SH3RF1: variants seen among roughly 807,000 people sequenced by gnomAD.
The protein encoded by SH3RF1 is SH3 domain containing ring finger 1.
A neutral mutation model predicts 74.0 loss-of-function variants in SH3RF1; 32 were observed. The observed-to-expected ratio is 0.43, with a 90% confidence interval of 0.33 to 0.58. The LOEUF is 0.58. Ranked by LOEUF, SH3RF1 falls within the 20% of genes least tolerant of loss-of-function variation. SH3RF1 has a pLI of 0.05. For missense variants in SH3RF1, 954 were observed against 1,130.9 expected, an observed-to-expected ratio of 0.84 and a Z score of 2.24; for synonymous variants, 396 against 439.6, an observed-to-expected ratio of 0.90 and a Z score of 1.24.
chr4:169,133,145 C>T (rs1459312918), intron 5 of SH3RF1, among the ~76,000 whole-genome samples: 2 of 152,118 alleles, frequency 1.3e-5, no homozygotes, highest in Non-Finnish European at 2.9e-5. Flanking sequence ...TAGACATGAG[C>T]TGGAAGGTGC....
chr4:169,123,493 C>T (rs140989132), intron 6 of SH3RF1, among the ~76,000 whole-genome samples: 3 of 152,260 alleles, frequency 2.0e-5, no homozygotes, highest in Non-Finnish European at 4.4e-5. Context: ...AGGTGCAGAG[C>T]CACTTACAAA....
chr4:169,147,006 T>C (rs1283446565), intron 4 of SH3RF1, among the ~76,000 whole-genome samples: 1 of 152,114 alleles, frequency 6.6e-6, no homozygotes. Flanking sequence ...ACCCTGAAAA[T>C]TAAGTATAAA....
At chr4:169,119,108 T>C (rs1733394103) in intron 8 of SH3RF1, among the ~76,000 whole-genome samples, 1 of 149,924 alleles carries the variant, frequency 6.7e-6, no homozygotes, top group Admixed American at 6.7e-5. Flanking sequence ...AACAGATAGA[T>C]TTTTTTTTTC....
intron 4 of SH3RF1, among the ~76,000 whole-genome samples, chr4:169,143,998 A>C (rs1310669606): frequency 6.6e-6 from 1 of 152,226 alleles, no homozygotes; most frequent in East Asian, 1.9e-4. Flanking sequence ...CTTCACACCG[A>C]AAGGTTTAGG....
At chr4:169,270,246 G>A (rs1731425025) in intron 1 of SH3RF1, among the ~76,000 whole-genome samples, 2 of 152,120 alleles carry the variant, frequency 1.3e-5, no homozygotes, top group African/African-American at 2.4e-5. Flanking sequence ...CCGCTCCCAC[G>A]GCGCCAAGCA....
At chr4:169,230,923 T>C (rs1730727927) in intron 2 of SH3RF1, among the ~76,000 whole-genome samples, 1 of 152,076 alleles carries the variant, frequency 6.6e-6, no homozygotes, top group Non-Finnish European at 1.5e-5. Context: ...ACAATTATTT[T>C]TTAAGTTTAT....
intron 2 of SH3RF1, among the ~76,000 whole-genome samples, chr4:169,231,169 T>C (rs942997416): frequency 3.6e-4 from 55 of 152,356 alleles, no homozygotes; most frequent in African/African-American, 1.3e-3. Flanking sequence ...AGAATAGTAC[T>C]GGTACATAAG....
chr4:169,226,816 T>A (rs1730659161), intron 2 of SH3RF1, among the ~76,000 whole-genome samples: 1 of 152,218 alleles, frequency 6.6e-6, no homozygotes, highest in African/African-American at 2.4e-5. Flanking sequence ...TAGCCTAGCA[T>A]TAGTCACCTA....
At position 169,244,964 on chromosome 4, in the gene SH3RF1, A is replaced by C. The variant is rs532122887; in HGVS notation, c.393+23856T>G. 2.7e-3 allele frequency among the ~76,000 whole-genome samples: 407 copies of C among 152,320 alleles called. 1 individual carries two copies. The highest frequency in any genetic ancestry group is 0.02 in the South Asian group (97 of 4,822). ...TAAAAGTTGCTTATTTATACAGATC[A>C]CCTGACATACAGAAGTAAATATACT... On this transcript the variant is annotated intron_variant, in intron 2 of 11. Coordinates refer to ENST00000284637, the MANE Select transcript of SH3RF1 (RefSeq NM_020870.4).
chr4:169,218,759 T>C (rs1454399596), intron 2 of SH3RF1, among the ~76,000 whole-genome samples: 1 of 152,018 alleles, frequency 6.6e-6, no homozygotes, highest in Non-Finnish European at 1.5e-5. Flanking sequence ...TATACAGGTA[T>C]GCAAACTAGG....
chr4:169,181,257 CTTTTT>C (rs397878328), intron 2 of SH3RF1, among the ~76,000 whole-genome samples: 66 of 103,370 alleles, frequency 6.4e-4, no homozygotes, highest in Non-Finnish European at 9.4e-4. Context: ...TTGGGAAAGC[CTTTTT>C]TTTTTTTTTT....
At chr4:169,189,170 C>T (rs1421691491) in intron 2 of SH3RF1, among the ~76,000 whole-genome samples, 1 of 152,198 alleles carries the variant, frequency 6.6e-6, no homozygotes, top group Admixed American at 6.5e-5. Flanking sequence ...AATTCTATTT[C>T]CGTTGATGCA....
intron 10 of SH3RF1, among the ~76,000 whole-genome samples, chr4:169,114,941 T>A (rs898399609): frequency 1.3e-5 from 2 of 152,264 alleles, no homozygotes; most frequent in South Asian, 4.2e-4. Flanking sequence ...AGAACTGGTA[T>A]AGAACTTCAG....
chr4:169,136,660 C>T (rs1475203899), intron 4 of SH3RF1, 40 bp from the exon 5 acceptor site: 1 of 1,465,026 alleles, frequency 6.8e-7, no homozygotes, highest in Non-Finnish European at 9.0e-7. Context: ...GAAGGTTAAA[C>T]AATTCCTAAG....
chr4:169,117,759 G>A lies in SH3RF1; in HGVS notation c.1541C>T (p.Ala514Val), dbSNP rs1382645689. Reference sequence around the variant, plus strand: ...GCCAGCTGTAGACATAGGGACTTTAGCTTGGGAAGCATTTGTCACCGCCCT... The same window carrying A: ...GCCAGCTGTAGACATAGGGACTTTAACTTGGGAAGCATTTGTCACCGCCCT... ...VTRAVTNASQAKVPMSTAGQT... is the reference protein window; with the variant it reads ...VTRAVTNASQVKVPMSTAGQT... The change falls in exon 9 of 12, where the codon GCT (alanine) becomes GTT (valine). Residue 514 changes from alanine to valine, a missense_variant. By Grantham distance (64) the Ala-to-Val change is moderately conservative. Around this residue, in one of 3 missense-constraint regions of SH3RF1, gnomAD observed 854 missense variants for 962.5 expected, o/e 0.89. Transcript: ENST00000284637. 3 of 1,610,366 alleles carry A rather than the reference G, an allele frequency of 1.9e-6. No homozygotes were observed. Among genetic ancestry groups the A allele is most frequent in the African/African-American group, 1.3e-5 (1 of 74,842 alleles).
Position 169,099,037 on chromosome 4 carries a change from C to T in SH3RF1, c.2499-2350G>A, listed in dbSNP as rs1165467030. Reference sequence around the variant, plus strand: ...TCAGGCCACAACTCAGGCCTCATTTCCTGAAAATGAGATTTGACAAACTTT... The same window carrying T: ...TCAGGCCACAACTCAGGCCTCATTTTCTGAAAATGAGATTTGACAAACTTT... On this transcript the variant is annotated intron_variant, in intron 11 of 11. Coordinates refer to ENST00000284637, the MANE Select transcript of SH3RF1 (RefSeq NM_020870.4). 5.3e-5 allele frequency among the ~76,000 whole-genome samples: 8 copies of T among 152,312 alleles called. No individual in the cohort carries two copies. In the East Asian group the frequency reaches 5.8e-4, roughly 11 times the overall value.
At chr4:169,214,441 A>G (rs1273729191) in intron 2 of SH3RF1, among the ~76,000 whole-genome samples, 1 of 152,226 alleles carries the variant, frequency 6.6e-6, no homozygotes, top group African/African-American at 2.4e-5. Context: ...TAGTGATGCA[A>G]AAATGGACTA....
Position 169,120,926 on chromosome 4 carries a change from C to T in SH3RF1, c.1410G>A (p.Glu470=), listed in dbSNP as rs1240543034. The T allele has an allele frequency of 6.2e-7, 1 of 1,614,166 alleles. No homozygotes were observed. Among genetic ancestry groups the T allele is most frequent in the East Asian group, 2.2e-5 (1 of 44,868 alleles). ...GGCAGCGCTCAAACACTAAAAACAT[C>T]TCCCCTTTTCTCAGCTCTAGTTCAT... ...KEDELELRKG[E]MFLVFERCQD... is the part of the protein sequence containing the mutation. Residue 470 remains glutamate, a synonymous_variant, in exon 8 of 12, where the codon GAG becomes GAA. Coordinates refer to ENST00000284637, the MANE Select transcript of SH3RF1 (RefSeq NM_020870.4).
chr4:169,205,861 T>C (rs1397849753), intron 2 of SH3RF1, among the ~76,000 whole-genome samples: 1 of 152,198 alleles, frequency 6.6e-6, no homozygotes, highest in African/African-American at 2.4e-5. Context: ...AACAAACATG[T>C]ATCCAAAGGA....
Sources: gnomAD v4.1 joint callset for allele counts (sites outside exome capture counted in the v4.1 genomes callset) on GRCh38, gnomAD v4.1.1 for gene constraint, gnomAD v4.1.1 regional missense constraint, MANE v1.5 for transcripts, NCBI Gene and HGNC (gene_info 2026-07-23, HGNC 2026-07-21) for gene names.